FAM114A1: variants seen among roughly 807,000 people sequenced by gnomAD.
The protein encoded by FAM114A1 is protein NOXP20.
FAM114A1 carries 62 observed loss-of-function variants against 64.3 expected under a neutral mutation model. The ratio of observed to expected loss-of-function variants is 0.96; its 90% CI spans 0.79 to 1.19. The LOEUF (loss-of-function observed/expected upper bound fraction) is 1.19. Among genes scored for constraint, FAM114A1 ranks in the 50% most tolerant of loss-of-function variants. The probability of loss-of-function intolerance (pLI) is 0.00; values close to 1 mark genes in which losing one functional copy is unlikely to be tolerated. For synonymous variants in FAM114A1, 254 were observed against 251.1 expected (o/e 1.01, Z -0.11); for missense variants, 645 against 676.3 (o/e 0.95, Z 0.51).
intron 2 of FAM114A1, among the ~76,000 whole-genome samples, chr4:38,869,925 T>G (rs969877814): frequency 9.9e-5 from 15 of 152,190 alleles, no homozygotes; most frequent in African/African-American, 2.9e-4. Context: ...AAATTTAGAT[T>G]TATGAAAAAC....
intron 2 of FAM114A1, among the ~76,000 whole-genome samples, chr4:38,871,299 G>T (rs1714058243): frequency 6.6e-6 from 1 of 151,638 alleles, no homozygotes; most frequent in South Asian, 2.1e-4. Context: ...ACTCTGCTGG[G>T]CAGGCTGGTC....
In FAM114A1 at chr4:38,913,904, C is replaced by G. The variant is rs540692003; in HGVS notation, c.793-1017C>G. Among the ~76,000 whole-genome samples the G allele has an allele frequency of 4.9e-3, 746 of 150,946 alleles. 8 individuals carry two copies. Among genetic ancestry groups the G allele is most frequent in the African/African-American group, 0.017 (700 of 41,146 alleles). ...CCTGAGGTCAGGAGTTCGAGACCAG[C>G]CTGGCCAACATGGTGAAACCCCATC... On this transcript the variant is annotated intron_variant, in intron 7 of 14. Transcript: ENST00000358869.
At chr4:38,913,785 C>T (rs752942768) in intron 7 of FAM114A1, among the ~76,000 whole-genome samples, 13 of 152,090 alleles carry the variant, frequency 8.5e-5, no homozygotes, top group South Asian at 2.1e-4. Flanking sequence ...TTAATAACCA[C>T]GTACACAAAA....
At chr4:38,907,791 G>A (rs923637232) in intron 6 of FAM114A1, among the ~76,000 whole-genome samples, 3 of 152,136 alleles carry the variant, frequency 2.0e-5, no homozygotes, top group South Asian at 2.1e-4. Context: ...GAAAAACACA[G>A]ATGTATGCAT....
intron 10 of FAM114A1, among the ~76,000 whole-genome samples, chr4:38,929,564 G>A (rs1196564220): frequency 6.6e-6 from 1 of 152,252 alleles, no homozygotes; most frequent in Non-Finnish European, 1.5e-5. Flanking sequence ...GATCACCTGA[G>A]GTCAGGAGTT....
intron 2 of FAM114A1, among the ~76,000 whole-genome samples, chr4:38,869,498 G>T (rs564598951): frequency 1.4e-4 from 21 of 152,224 alleles, no homozygotes; most frequent in African/African-American, 5.1e-4. Flanking sequence ...GATTGGAGCT[G>T]GATTATGATG....
chr4:38,932,699 G>A (rs1034770605), intron 12 of FAM114A1, among the ~76,000 whole-genome samples: 2 of 151,580 alleles, frequency 1.3e-5, no homozygotes, highest in Non-Finnish European at 2.9e-5. Flanking sequence ...GCCTGGCCAC[G>A]TTGCCCAGGC....
chr4:38,913,756 A>C (rs1349338845), intron 7 of FAM114A1, among the ~76,000 whole-genome samples: 28 of 152,202 alleles, frequency 1.8e-4, no homozygotes, highest in Admixed American at 1.8e-3. Context: ...ATGTTTATTA[A>C]TTTTTAAATT....
At chr4:38,878,776 G>A (rs1714927750) in intron 3 of FAM114A1, among the ~76,000 whole-genome samples, 1 of 152,144 alleles carries the variant, frequency 6.6e-6, no homozygotes, top group Non-Finnish European at 1.5e-5. Context: ...AGGCTCAGAG[G>A]TGGTAGCTTG....
At chr4:38,892,475 G>T (rs1716501311) in intron 4 of FAM114A1, among the ~76,000 whole-genome samples, 1 of 152,042 alleles carries the variant, frequency 6.6e-6, no homozygotes, top group South Asian at 2.1e-4. Flanking sequence ...AATTTTTAAA[G>T]AAATTTCCTG....
chr4:38,910,533 A>C (rs531202281), intron 7 of FAM114A1, among the ~76,000 whole-genome samples: 6 of 152,298 alleles, frequency 3.9e-5, no homozygotes, highest in African/African-American at 1.4e-4. Context: ...TATTTCAGAA[A>C]GTGACGAGCG....
chr4:38,873,237 A>G (rs796979283), intron 2 of FAM114A1, among the ~76,000 whole-genome samples: 9 of 152,344 alleles, frequency 5.9e-5, no homozygotes, highest in African/African-American at 1.9e-4. Flanking sequence ...CAGGAATATT[A>G]TCACTGAATT....
intron 13 of FAM114A1, among the ~76,000 whole-genome samples, chr4:38,936,975 A>T (rs1721166147): frequency 6.6e-6 from 1 of 152,198 alleles, no homozygotes; most frequent in South Asian, 2.1e-4. Context: ...ATTTACTTGG[A>T]GGTATGGCCT....
intron 4 of FAM114A1, among the ~76,000 whole-genome samples, chr4:38,902,239 A>G (rs2109660165): frequency 6.6e-6 from 1 of 152,332 alleles, no homozygotes; most frequent in Non-Finnish European, 1.5e-5. Flanking sequence ...CCCTTACCTC[A>G]TAAGATCATT....
intron 12 of FAM114A1, 87 bp from the exon 13 acceptor site, chr4:38,935,631 A>G (rs542283064): frequency 1.1e-6 from 1 of 884,482 alleles, no homozygotes; most frequent in Non-Finnish European, 1.7e-6. Context: ...TAAATGTCAT[A>G]CTGAATTAGT....
intron 9 of FAM114A1, among the ~76,000 whole-genome samples, chr4:38,928,384 C>T (rs1720336360): frequency 6.6e-6 from 1 of 152,150 alleles, no homozygotes; most frequent in South Asian, 2.1e-4. Context: ...CTTGCAGATA[C>T]TTTAAAAGAG....
rs368356228 is a variant in FAM114A1, at chr4:38,907,241, C to T, written c.658-1351C>T. ...AGTAGCAATACAAGTCAACCACCCC[C>T]GTGGGGGGTTTGTAGGATGGGAGAT... is the stretch of plus-strand genomic sequence containing the variant. On this transcript the variant is annotated intron_variant, in intron 6 of 14. Coordinates refer to ENST00000358869, the MANE Select transcript of FAM114A1 (RefSeq NM_138389.4). 7.2e-5 allele frequency among the ~76,000 whole-genome samples: 11 copies of T among 152,284 alleles called. No homozygotes were observed. In the East Asian group the frequency reaches 1.2e-3, roughly 16 times the overall value.
At chr4:38,892,174 T>G (rs1716478482) in intron 4 of FAM114A1, among the ~76,000 whole-genome samples, 1 of 152,200 alleles carries the variant, frequency 6.6e-6, no homozygotes, top group Admixed American at 6.5e-5. Flanking sequence ...TAATATATTC[T>G]TAAAGCTTCG....
At chr4:38,918,482 T>A (rs544761830) in intron 8 of FAM114A1, among the ~76,000 whole-genome samples, 1 of 152,258 alleles carries the variant, frequency 6.6e-6, no homozygotes, top group East Asian at 1.9e-4. Context: ...AAATACGGGA[T>A]GACTAGTTAC....
Sources: gnomAD v4.1 joint callset for allele counts (sites outside exome capture counted in the v4.1 genomes callset) on GRCh38, gnomAD v4.1.1 for gene constraint, MANE v1.5 for transcripts, NCBI Gene and HGNC (gene_info 2026-07-23, HGNC 2026-07-21) for gene names.